DAAM1: variants seen among roughly 807,000 people sequenced by gnomAD.
The protein encoded by DAAM1 is dishevelled associated activator of morphogenesis 1, also known as disheveled-associated activator of morphogenesis 1.
DAAM1 carries 52 observed loss-of-function variants against 130.0 expected under a neutral mutation model. That is an observed-to-expected ratio of 0.40 (90% CI 0.32 to 0.50). DAAM1 has a LOEUF of 0.50. DAAM1 is among the 20% of genes least tolerant of loss of function. DAAM1 has a pLI of 0.61. For synonymous variants in DAAM1, 452 were observed against 444.5 expected (o/e 1.02, Z -0.21); for missense variants, 1,134 against 1,303.8 (o/e 0.87, Z 2.01).
intron 5 of DAAM1, among the ~76,000 whole-genome samples, chr14:59,320,820 C>T (rs1453264277): frequency 6.6e-6 from 1 of 151,688 alleles, no homozygotes; most frequent in African/African-American, 2.4e-5. Context: ...AGTTAGTAGA[C>T]AAGAATGTAG....
At chr14:59,283,897 G>A (rs1449334568) in intron 2 of DAAM1, among the ~76,000 whole-genome samples, 1 of 152,172 alleles carries the variant, frequency 6.6e-6, no homozygotes, top group African/African-American at 2.4e-5. Flanking sequence ...TGCAGGCAAT[G>A]TGGAACTAAT....
intron 1 of DAAM1, among the ~76,000 whole-genome samples, chr14:59,240,094 T>A (rs1044842656): frequency 2.0e-5 from 3 of 152,204 alleles, no homozygotes; most frequent in Non-Finnish European, 2.9e-5. Context: ...TTCAGTTCAC[T>A]GTTAATTTGA....
At chr14:59,345,771 T>C (rs1475621950) in intron 16 of DAAM1, among the ~76,000 whole-genome samples, 3 of 152,176 alleles carry the variant, frequency 2.0e-5, no homozygotes, top group Admixed American at 1.3e-4. Flanking sequence ...TATCATCTGG[T>C]TCTCCCAATG....
chr14:59,309,295 C>G (rs1227703778), intron 3 of DAAM1, among the ~76,000 whole-genome samples: 4 of 152,188 alleles, frequency 2.6e-5, no homozygotes, highest in Admixed American at 2.6e-4. Context: ...ATTCAGGGAG[C>G]AGTGAGCTTG....
At chr14:59,320,093 G>C (rs749454756) in intron 4 of DAAM1, among the ~76,000 whole-genome samples, 17 of 152,164 alleles carry the variant, frequency 1.1e-4, no homozygotes, top group Non-Finnish European at 2.1e-4. Context: ...CTTTGGTCTT[G>C]ATTACACTTT....
At chr14:59,303,636 C>T (rs760902135) in intron 3 of DAAM1, among the ~76,000 whole-genome samples, 6 of 152,172 alleles carry the variant, frequency 3.9e-5, no homozygotes, top group Admixed American at 1.3e-4. Flanking sequence ...ATGGCTAACG[C>T]CTGTAATCCC....
At position 59,368,590 on chromosome 14, in the gene DAAM1, C is replaced by G. The variant is rs1017205121; in HGVS notation, c.2998-60C>G. The G allele has an allele frequency of 1.0e-5, 16 of 1,537,916 alleles. No homozygotes were observed. The African/African-American group carries it at 2.1e-4, about 20-fold the overall frequency. ...CCATATTTCAAGGAATTGACCTCTACTGCAAACAAAATGCAACATTTTGAC... is the reference window on the plus strand; with the variant it reads ...CCATATTTCAAGGAATTGACCTCTAGTGCAAACAAAATGCAACATTTTGAC... On this transcript the variant is annotated intron_variant, in intron 24 of 24. Coordinates refer to ENST00000360909, the MANE Select transcript of DAAM1 (RefSeq NM_001270520.2).
Position 59,324,416 on chromosome 14 carries a change from A to G in DAAM1, c.951A>G (p.Ile317Met), listed in dbSNP as rs777438140. The G allele has an allele frequency of 6.3e-7, 1 of 1,595,694 alleles. No individual in the cohort carries two copies. The highest frequency in any genetic ancestry group is 8.5e-7 in the Non-Finnish European group (1 of 1,170,986). ...TGATGTTAGGAATTCAACCTGTAAT[A>G]GATAAATTAAGGGAACACGAAAATT... is the stretch of plus-strand genomic sequence containing the variant. ...EFLMLGIQPV[I>M]DKLREHENST... The change falls in exon 8 of 25, where the codon ATA (isoleucine) becomes ATG (methionine). Residue 317 changes from isoleucine to methionine, a missense_variant. By Grantham distance (10) the Ile-to-Met change is conservative (BLOSUM62 1). This residue lies in a region of DAAM1 where 391 missense variants were observed against 521.6 expected (regional missense o/e 0.75). Coordinates refer to ENST00000360909, the MANE Select transcript of DAAM1 (RefSeq NM_001270520.2).
intron 3 of DAAM1, among the ~76,000 whole-genome samples, chr14:59,294,226 A>G (rs911134724): frequency 9.2e-5 from 14 of 152,218 alleles, no homozygotes; most frequent in Non-Finnish European, 1.5e-4. Flanking sequence ...GGACCTACAG[A>G]CAGGGCCAAG....
chr14:59,358,238 G>A (rs1019946113), intron 20 of DAAM1, among the ~76,000 whole-genome samples: 1 of 152,182 alleles, frequency 6.6e-6, no homozygotes, highest in East Asian at 1.9e-4. Flanking sequence ...ATTGTAATGC[G>A]TAGCAGTCAG....
rs78924201 is a variant in DAAM1 at position 59,266,370 on chromosome 14, T to C, written c.183+2710T>C. Among the ~76,000 whole-genome samples, 318 of 152,312 alleles carry C rather than the reference T, an allele frequency of 2.1e-3. 1 individual carries two copies. The highest frequency in any genetic ancestry group is 7.5e-3 in the African/African-American group (310 of 41,572). The stretch of plus-strand genomic sequence containing the variant: ...TCAAAGCATTCCACATCTACAGTTA[T>C]ATTCTGTCAGTCTCCCAAAATGAGA... On this transcript the variant is annotated intron_variant, in intron 2 of 24. Transcript: ENST00000360909.
intron 21 of DAAM1, 140 bp from the exon 22 acceptor site, chr14:59,360,662 T>G: frequency 8.9e-6 from 5 of 562,642 alleles, no homozygotes; most frequent in Non-Finnish European, 1.1e-5. Flanking sequence ...TGTCTTTCTT[T>G]GAGATCTGAG....
chr14:59,318,652 A>G (rs1232195967), intron 4 of DAAM1, among the ~76,000 whole-genome samples: 3 of 152,220 alleles, frequency 2.0e-5, no homozygotes, highest in South Asian at 2.1e-4. Context: ...GTTCAGCTAC[A>G]TATCCTCAGT....
At chr14:59,230,080 A>G (rs956766301) in intron 1 of DAAM1, among the ~76,000 whole-genome samples, 1 of 152,228 alleles carries the variant, frequency 6.6e-6, no homozygotes, top group African/African-American at 2.4e-5. Flanking sequence ...TTCAGCTGTG[A>G]TGTAGTTGAG....
chr14:59,320,592 T>C lies in DAAM1; in HGVS notation c.440+8T>C. On this transcript the variant is annotated splice_region_variant and intron_variant, in intron 5 of 24. Coordinates refer to ENST00000360909, the MANE Select transcript of DAAM1 (RefSeq NM_001270520.2). The stretch of plus-strand genomic sequence containing the variant: ...GAGGACAAAACCAATGAGGTAATTT[T>C]CCCCTGGATGGCATGTTTTTTTTTT... The C allele has an allele frequency of 1.3e-6, 2 of 1,529,998 alleles. No homozygotes were observed. Among genetic ancestry groups the C allele is most frequent in the Non-Finnish European group, 1.7e-6 (2 of 1,147,598 alleles). The allele number at this position is 1,529,998 out of a possible 1,614,324, so 94.8% of individuals were successfully genotyped here.
intron 1 of DAAM1, among the ~76,000 whole-genome samples, chr14:59,230,725 A>G (rs1889079497): frequency 6.6e-6 from 1 of 151,804 alleles, no homozygotes; most frequent in Admixed American, 6.6e-5. Context: ...GTGCATTTTA[A>G]AATAACTGAA....
chr14:59,328,159 T>C (rs1885281449), intron 12 of DAAM1, among the ~76,000 whole-genome samples: 1 of 152,196 alleles, frequency 6.6e-6, no homozygotes, highest in African/African-American at 2.4e-5. Context: ...TTTTCTCTCA[T>C]CACATTTCCA....
chr14:59,258,221 C>T (rs1402240327), intron 1 of DAAM1, among the ~76,000 whole-genome samples: 1 of 152,154 alleles, frequency 6.6e-6, no homozygotes, highest in Non-Finnish European at 1.5e-5. Context: ...ATATGATGGG[C>T]TGGGGCAGCT....
At chr14:59,256,721 C>G (rs923416431) in intron 1 of DAAM1, among the ~76,000 whole-genome samples, 1 of 152,196 alleles carries the variant, frequency 6.6e-6, no homozygotes, top group African/African-American at 2.4e-5. Flanking sequence ...GTTTCAGAAG[C>G]TATGCATTCC....
Sources: allele counts gnomAD v4.1 joint callset (sites outside exome capture counted in the v4.1 genomes callset), GRCh38; gene constraint gnomAD v4.1.1; regional missense constraint gnomAD v4.1.1; transcripts MANE v1.5; gene names NCBI Gene and HGNC (gene_info 2026-07-23, HGNC 2026-07-21).